The following CDKL1 variants were observed in gnomAD, a reference collection of about 807,000 sequenced individuals.
CDKL1 encodes the protein cyclin dependent kinase like 1.
Under a neutral mutation model 42.0 loss-of-function variants are expected in CDKL1, and 41 were observed. The observed-to-expected ratio is 0.98, with a 90% confidence interval of 0.76 to 1.27. CDKL1 has a LOEUF of 1.27. Ranked by LOEUF, CDKL1 falls within the 50% of genes most tolerant of loss-of-function variation. The pLI, the probability that CDKL1 is intolerant of heterozygous loss-of-function variation, is 0.00. For missense variants in CDKL1, 394 were observed against 428.4 expected (o/e 0.92, Z 0.71); for synonymous variants, 153 against 158.6 (o/e 0.96, Z 0.26).
intron 2 of CDKL1, among the ~76,000 whole-genome samples, chr14:50,390,669 G>A (rs950882354): frequency 6.6e-6 from 1 of 151,920 alleles, no homozygotes; most frequent in Admixed American, 6.6e-5. Flanking sequence ...TGTATGGTTT[G>A]TATTTGTTTT....
intron 2 of CDKL1, among the ~76,000 whole-genome samples, chr14:50,365,384 A>G (rs2034408393): frequency 6.6e-6 from 1 of 152,210 alleles, no homozygotes; most frequent in Admixed American, 6.5e-5. Flanking sequence ...ATAGCTGATA[A>G]CTTATCTCTC....
In CDKL1 at chr14:50,337,500, T is replaced by C. The variant is rs73281189; in HGVS notation, c.738+1447A>G. ...CCAAGTAGCTGGAGCTATAGGCATG[T>C]GTCTCCAACCCCAGTTAGTTTTAAA... On this transcript the variant is annotated intron_variant, in intron 7 of 9. Transcript: ENST00000395834. Among the ~76,000 whole-genome samples, 997 of 151,262 alleles carry C rather than the reference T, an allele frequency of 6.6e-3. 13 individuals carry two copies. The highest frequency in any genetic ancestry group is 0.022 in the African/African-American group (916 of 41,192).
intron 3 of CDKL1, among the ~76,000 whole-genome samples, chr14:50,348,601 A>C (rs1455777670): frequency 6.6e-6 from 1 of 152,184 alleles, no homozygotes; most frequent in Non-Finnish European, 1.5e-5. Flanking sequence ...TTTTGGGAGA[A>C]GCTCAGAGGG....
intron 3 of CDKL1, among the ~76,000 whole-genome samples, chr14:50,349,392 C>T (rs1032688667): frequency 6.6e-6 from 1 of 152,180 alleles, no homozygotes; most frequent in African/African-American, 2.4e-5. Context: ...TCAGGAAGCC[C>T]CTCATGGATG....
chr14:50,358,135 G>A, intron 3 of CDKL1: 1 of 1,344,674 alleles, frequency 7.4e-7, no homozygotes, highest in Non-Finnish European at 9.9e-7. Flanking sequence ...ACACAAAGAT[G>A]TTGCATATGC....
At chr14:50,335,478 C>G in intron 7 of CDKL1, 1 of 1,536,076 alleles carries the variant, frequency 6.5e-7, no homozygotes, top group Non-Finnish European at 8.7e-7. Flanking sequence ...TAAACAGTCT[C>G]CTGTGGGGCA....
chr14:50,395,836 T>C lies in CDKL1; in HGVS notation c.33A>G (p.Gly11=), dbSNP rs1327914618. MEKYEKIGKI[G]EGSYGVVFKC... ...TGAAAACAACTCCATAGGATCCTTC[T>C]CCAATTTTCCCAATTTTTTCATACT... The change falls in exon 2 of 10, where the codon GGA becomes GGG. Residue 11 remains glycine, a synonymous_variant. Coordinates refer to ENST00000395834, the MANE Select transcript of CDKL1 (RefSeq NM_004196.7). 1.2e-6 allele frequency: 2 copies of C among 1,611,208 alleles called. No homozygotes were observed. Among genetic ancestry groups the C allele is most frequent in the Non-Finnish European group, 1.7e-6 (2 of 1,177,344 alleles).
Position 50,326,389 on chromosome 14 carries a change from TTTAAAG to T in CDKL1, c.*3679_*3684del. ...ATTATAACAGTAATTTACATTTAACTTTAAAGTTAGTGAAGCATACTACCATAAATG... is the reference window on the plus strand; with the variant it reads ...ATTATAACAGTAATTTACATTTAACTTTAGTGAAGCATACTACCATAAATG... On this transcript the variant is annotated 3_prime_UTR_variant, in exon 10 of 10. Coordinates refer to ENST00000395834, the MANE Select transcript of CDKL1 (RefSeq NM_004196.7). The T allele has an allele frequency of 2.1e-6, 2 of 938,658 alleles. No homozygotes were observed. Among genetic ancestry groups the T allele is most frequent in the Non-Finnish European group, 2.5e-6 (2 of 787,398 alleles). 58.1% of individuals were successfully genotyped at this position (938,658 alleles called of 1,614,324 possible). A position where few individuals can be genotyped will look rare whatever the true frequency, so the allele number is the denominator to read the frequency against.
intron 2 of CDKL1, among the ~76,000 whole-genome samples, chr14:50,365,038 A>C (rs1193550296): frequency 2.0e-5 from 3 of 152,140 alleles, no homozygotes; most frequent in African/African-American, 7.2e-5. Context: ...TTCAGGGAAA[A>C]TCTCTTTGAG....
At chr14:50,342,713 G>A (rs2033588869) in intron 4 of CDKL1, 2 of 354,276 alleles carry the variant, frequency 5.6e-6, no homozygotes, top group Admixed American at 1.0e-4. Flanking sequence ...GCAAATTGGT[G>A]CATAAGCAGA....
chr14:50,330,009 T>TA lies in CDKL1; in HGVS notation c.*64dup. The TA allele has an allele frequency of 2.6e-6, 4 of 1,555,574 alleles. No homozygotes were observed. The highest frequency in any genetic ancestry group is 3.5e-6 in the Non-Finnish European group (4 of 1,151,744). On this transcript the variant is annotated 3_prime_UTR_variant, in exon 10 of 10. Coordinates refer to ENST00000395834, the MANE Select transcript of CDKL1 (RefSeq NM_004196.7). ...CATTGTAATTGTTTTCAATCAACTG[T>TA]ATAAGTTTTATTTTCTTCAAAGCAT...
intron 2 of CDKL1, among the ~76,000 whole-genome samples, chr14:50,370,457 T>A (rs941449505): frequency 4.6e-5 from 7 of 152,180 alleles, no homozygotes; most frequent in African/African-American, 1.7e-4. Flanking sequence ...AACTTATTCC[T>A]CTTGTCTAAG....
At chr14:50,335,012 G>A (rs2139371366) in intron 7 of CDKL1, 1 of 194,508 alleles carries the variant, frequency 5.1e-6, no homozygotes, top group South Asian at 1.1e-4. Flanking sequence ...TTATAAAAAG[G>A]TAGCTGGCTG....
rs1048064317 is a variant in CDKL1, at chr14:50,392,684, C to T, written c.168+3017G>A. On this transcript the variant is annotated intron_variant, in intron 2 of 9. Coordinates refer to ENST00000395834, the MANE Select transcript of CDKL1 (RefSeq NM_004196.7). ...TTAAATACCATCGATATGCTTATGT[C>T]CCCCAACTCTGTCTCCAACCTGGAC... Among the ~76,000 whole-genome samples, 4 of 152,048 alleles carry T rather than the reference C, an allele frequency of 2.6e-5. No individual in the cohort carries two copies. In the East Asian group the frequency reaches 7.7e-4, roughly 29 times the overall value.
At position 50,363,007 on chromosome 14, in the gene CDKL1, C is replaced by T. The variant is rs922806445; in HGVS notation, c.169-3858G>A. On this transcript the variant is annotated intron_variant, in intron 2 of 9. Coordinates refer to ENST00000395834, the MANE Select transcript of CDKL1 (RefSeq NM_004196.7). ...CACTTATGGCAAAGGGCTGCAGCTT[C>T]ACTCTTGAAGCCAGGGAGACCACGA... 4 of 459,492 alleles carry T rather than the reference C, an allele frequency of 8.7e-6. 1 individual carries two copies. The highest frequency in any genetic ancestry group is 2.0e-5 in the African/African-American group (1 of 50,026). 28.5% of individuals were successfully genotyped at this position (459,492 alleles called of 1,614,324 possible).
At position 50,326,612 on chromosome 14, in the gene CDKL1, T is replaced by C. The variant is rs935423541; in HGVS notation, c.*3462A>G. The C allele has an allele frequency of 1.0e-6, 1 of 985,368 alleles. No individual in the cohort carries two copies. Among genetic ancestry groups the C allele is most frequent in the African/African-American group, 1.7e-5 (1 of 57,262 alleles). 61.0% of individuals were successfully genotyped at this position (985,368 alleles called of 1,614,324 possible). On this transcript the variant is annotated 3_prime_UTR_variant, in exon 10 of 10. Coordinates refer to ENST00000395834, the MANE Select transcript of CDKL1 (RefSeq NM_004196.7). ...AACAGTTGCTGCTTAATTTGTCTATTTTGTAAGCTTAGGCTACTATTTTAT... is the reference window on the plus strand; with the variant it reads ...AACAGTTGCTGCTTAATTTGTCTATCTTGTAAGCTTAGGCTACTATTTTAT...
chr14:50,379,911 A>C (rs560719733), intron 2 of CDKL1, among the ~76,000 whole-genome samples: 1 of 152,196 alleles, frequency 6.6e-6, no homozygotes, highest in Non-Finnish European at 1.5e-5. Flanking sequence ...AAATACTCAG[A>C]CCTTTCAAGG....
intron 2 of CDKL1, among the ~76,000 whole-genome samples, chr14:50,380,802 C>CTTTGGTTTTTTTTTTTTTTTT (rs368170212): frequency 7.4e-6 from 1 of 134,604 alleles, no homozygotes; most frequent in South Asian, 2.4e-4. Flanking sequence ...CTGTGACTTC[C>CTTTGGTTTTTTTTTTTTTTTT]TTTTTTTTTT....
chr14:50,349,466 G>A (rs1420998498), intron 3 of CDKL1, among the ~76,000 whole-genome samples: 3 of 152,180 alleles, frequency 2.0e-5, no homozygotes, highest in Admixed American at 1.3e-4. Context: ...ACCCAATGCA[G>A]GAGGGAAGCA....
Sources: allele counts gnomAD v4.1 joint callset (sites outside exome capture counted in the v4.1 genomes callset), GRCh38; gene constraint gnomAD v4.1.1; transcripts MANE v1.5; gene names NCBI Gene and HGNC (gene_info 2026-07-23, HGNC 2026-07-21).